Variants in LRIG1 observed in about 807,000 individuals in gnomAD.
LRIG1 encodes the protein leucine rich repeats and immunoglobulin like domains 1.
A neutral mutation model predicts 99.2 loss-of-function variants in LRIG1; 48 were observed. That is an observed-to-expected ratio of 0.48 (90% CI 0.38 to 0.62). The LOEUF is 0.62. Ranked by LOEUF, LRIG1 falls within the 20% of genes least tolerant of loss-of-function variation. The pLI, the probability that LRIG1 is intolerant of heterozygous loss-of-function variation, is 0.00. For missense variants in LRIG1, 1,646 were observed against 1,434.4 expected, an observed-to-expected ratio of 1.15 and a Z score of -2.38; for synonymous variants, 772 against 596.1, an observed-to-expected ratio of 1.29 and a Z score of -4.30.
chr3:66,405,642 G>T (rs996279926), intron 8 of LRIG1: 4 of 914,532 alleles, frequency 4.4e-6, no homozygotes, highest in South Asian at 2.2e-5. Flanking sequence ...TAAGGCTCCC[G>T]TCTGCTCTCA....
intron 6 of LRIG1, among the ~76,000 whole-genome samples, chr3:66,412,495 G>T (rs1294800474): frequency 6.6e-6 from 1 of 152,224 alleles, no homozygotes; most frequent in African/African-American, 2.4e-5. Flanking sequence ...GATTTCAGTG[G>T]ATGTCCCAAT....
chr3:66,400,056 G>A (rs1039322513), intron 9 of LRIG1, among the ~76,000 whole-genome samples: 4 of 152,206 alleles, frequency 2.6e-5, no homozygotes, highest in East Asian at 3.9e-4. Flanking sequence ...AACCTCCAAC[G>A]TTATCGCTAG....
At chr3:66,445,754 A>G (rs1367761523) in intron 3 of LRIG1, among the ~76,000 whole-genome samples, 1 of 152,238 alleles carries the variant, frequency 6.6e-6, no homozygotes, top group Non-Finnish European at 1.5e-5. Context: ...AAAGGCAGGC[A>G]GTGAAGAGAA....
intron 1 of LRIG1, among the ~76,000 whole-genome samples, chr3:66,472,333 A>AAC (rs2106870155): frequency 1.5e-5 from 2 of 135,616 alleles, no homozygotes; most frequent in African/African-American, 5.3e-5. Context: ...AAAAAAAAAA[A>AAC]CACTAACTTC....
chr3:66,443,363 T>C (rs1703610620), intron 3 of LRIG1, among the ~76,000 whole-genome samples: 1 of 128,656 alleles, frequency 7.8e-6, no homozygotes, highest in African/African-American at 3.0e-5. Flanking sequence ...GGGGGATGAG[T>C]GAGGGGGTGT....
At chr3:66,423,532 C>T (rs1449738151) in intron 3 of LRIG1, among the ~76,000 whole-genome samples, 3 of 152,188 alleles carry the variant, frequency 2.0e-5, no homozygotes, top group Non-Finnish European at 4.4e-5. Context: ...GATCACGCCA[C>T]CGCACTCCAG....
intron 3 of LRIG1, among the ~76,000 whole-genome samples, chr3:66,432,541 T>G (rs1026995660): frequency 6.6e-6 from 1 of 152,160 alleles, no homozygotes. Flanking sequence ...TTAATCTTCA[T>G]GACAACCCCA....
intron 5 of LRIG1, among the ~76,000 whole-genome samples, 164 bp from the exon 6 acceptor site, chr3:66,413,178 G>C (rs1702524238): frequency 6.6e-6 from 1 of 152,192 alleles, no homozygotes; most frequent in Non-Finnish European, 1.5e-5. Flanking sequence ...TGTCTCGGCT[G>C]CCATGCAGGC....
intron 1 of LRIG1, among the ~76,000 whole-genome samples, chr3:66,494,579 A>G (rs1438415873): frequency 1.3e-5 from 2 of 152,266 alleles, no homozygotes; most frequent in African/African-American, 4.8e-5. Context: ...TTCTATGAAC[A>G]GATTGAAGTT....
intron 14 of LRIG1, 77 bp from the exon 15 acceptor site, chr3:66,383,478 G>C: frequency 1.5e-6 from 2 of 1,296,966 alleles, no homozygotes; most frequent in Non-Finnish European, 2.1e-6. Context: ...TCTGGACAAC[G>C]GACAATCCAA....
At chr3:66,439,183 C>A (rs1490109157) in intron 3 of LRIG1, among the ~76,000 whole-genome samples, 1 of 152,230 alleles carries the variant, frequency 6.6e-6, no homozygotes, top group African/African-American at 2.4e-5. Flanking sequence ...CCTGGAAGAA[C>A]TGCGCCAAGG....
intron 3 of LRIG1, among the ~76,000 whole-genome samples, chr3:66,449,800 T>C (rs1008662687): frequency 6.6e-6 from 1 of 152,222 alleles, no homozygotes; most frequent in African/African-American, 2.4e-5. Flanking sequence ...TCTGTGGCCC[T>C]AGCTTCCTCA....
intron 3 of LRIG1, among the ~76,000 whole-genome samples, chr3:66,419,834 T>G (rs1315822933): frequency 6.6e-6 from 1 of 152,094 alleles, no homozygotes; most frequent in African/African-American, 2.4e-5. Context: ...CACCCTGCCC[T>G]GGTGGGGGCT....
intron 9 of LRIG1, among the ~76,000 whole-genome samples, chr3:66,403,420 C>T (rs555543618): frequency 1.3e-5 from 2 of 152,198 alleles, no homozygotes; most frequent in East Asian, 3.9e-4. Flanking sequence ...ACAGAGTCTC[C>T]AGCCCCAAGA....
Position 66,383,115 on chromosome 3 carries a change from G to A in LRIG1, c.2358C>T (p.Cys786=). 1 of 1,614,244 alleles carries A rather than the reference G, an allele frequency of 6.2e-7. No homozygotes were observed. The highest frequency in any genetic ancestry group is 1.3e-5 in the African/African-American group (1 of 75,072). The change falls in exon 15 of 19, where the codon TGC becomes TGT. Residue 786 remains cysteine (C), a synonymous_variant. Coordinates refer to ENST00000273261, the MANE Select transcript of LRIG1 (RefSeq NM_015541.3). ...TGCCTACCGTGGTCCCATCCTTCCT[G>A]CAGCCTGCTGCGGGCAGGACGCTCA... is the stretch of plus-strand genomic sequence containing the variant. ...SQLSVLPAAG[C]RKDGTTVGIF...
chr3:66,383,732 A>G lies in LRIG1; in HGVS notation c.2071+259T>C, dbSNP rs150007365. Among the ~76,000 whole-genome samples, 758 of 152,178 alleles carry G rather than the reference A, an allele frequency of 5.0e-3. 6 individuals are homozygous for G. Among genetic ancestry groups the G allele is most frequent in the African/African-American group, 0.017 (725 of 41,454 alleles). On this transcript the variant is annotated intron_variant, in intron 14 of 18. Coordinates refer to ENST00000273261, the MANE Select transcript of LRIG1 (RefSeq NM_015541.3). ...TGTTCTGTAGCTCTTGACCAAGCCCACATCCATCCTGTCCAATTCTTAAAA... is the reference window on the plus strand; with the variant it reads ...TGTTCTGTAGCTCTTGACCAAGCCCGCATCCATCCTGTCCAATTCTTAAAA...
intron 12 of LRIG1, among the ~76,000 whole-genome samples, chr3:66,388,277 G>A (rs916229656): frequency 2.6e-5 from 4 of 151,948 alleles, no homozygotes; most frequent in African/African-American, 9.7e-5. Flanking sequence ...GCAGAAGGAG[G>A]GGGCAGGGAA....
At chr3:66,382,652 G>A (rs1701145814) in intron 15 of LRIG1, among the ~76,000 whole-genome samples, 1 of 152,200 alleles carries the variant, frequency 6.6e-6, no homozygotes, top group Admixed American at 6.5e-5. Context: ...GAAAGCCGGG[G>A]CTCACAGAAG....
At chr3:66,427,644 T>A (rs533571753) in intron 3 of LRIG1, among the ~76,000 whole-genome samples, 22 of 152,202 alleles carry the variant, frequency 1.4e-4, no homozygotes, top group Admixed American at 7.2e-4. Flanking sequence ...CTTAAAAAAA[T>A]TTTTTTTAAA....
Sources: allele counts gnomAD v4.1 joint callset (sites outside exome capture counted in the v4.1 genomes callset), GRCh38; gene constraint gnomAD v4.1.1; transcripts MANE v1.5; gene names NCBI Gene and HGNC (gene_info 2026-07-23, HGNC 2026-07-21).